Variants in TAOK3 observed in about 807,000 individuals in gnomAD.
TAOK3 encodes the protein serine/threonine-protein kinase TAO3.
TAOK3 carries 40 observed loss-of-function variants against 120.4 expected under a neutral mutation model. That is an observed-to-expected ratio of 0.33 (90% CI 0.26 to 0.43). The LOEUF (loss-of-function observed/expected upper bound fraction) is 0.43. TAOK3 is among the 20% of genes least tolerant of loss of function. The pLI is 1.00. For missense variants in TAOK3, 821 were observed against 1,112.1 expected, an observed-to-expected ratio of 0.74 and a Z score of 3.72; for synonymous variants, 355 against 387.5, an observed-to-expected ratio of 0.92 and a Z score of 0.99.
chr12:118,314,353 T>A (rs961938107), intron 1 of TAOK3, among the ~76,000 whole-genome samples: 1 of 152,186 alleles, frequency 6.6e-6, no homozygotes, highest in African/African-American at 2.4e-5. Flanking sequence ...AAAAATACTA[T>A]TGAGATACAA....
At chr12:118,362,928 A>G (rs2045640739) in intron 1 of TAOK3, among the ~76,000 whole-genome samples, 1 of 144,426 alleles carries the variant, frequency 6.9e-6, no homozygotes, top group Non-Finnish European at 1.5e-5. Flanking sequence ...CTGAGGCAGG[A>G]GAATTGCTTG....
At chr12:118,292,171 G>C (rs573245527) in intron 1 of TAOK3, among the ~76,000 whole-genome samples, 1 of 152,248 alleles carries the variant, frequency 6.6e-6, no homozygotes, top group Admixed American at 6.5e-5. Flanking sequence ...ATAATACATG[G>C]TGGCTTTGCA....
At chr12:118,228,280 T>C (rs2039604110) in intron 9 of TAOK3, among the ~76,000 whole-genome samples, 1 of 151,868 alleles carries the variant, frequency 6.6e-6, no homozygotes, top group Admixed American at 6.6e-5. Flanking sequence ...GCTTCCCAAG[T>C]AGCTGGGATT....
intron 15 of TAOK3, among the ~76,000 whole-genome samples, chr12:118,180,483 C>T (rs549445327): frequency 9.9e-4 from 151 of 152,258 alleles, no homozygotes; most frequent in African/African-American, 3.5e-3. Flanking sequence ...TCAAGAGATC[C>T]ACCCACCTTG....
intron 1 of TAOK3, among the ~76,000 whole-genome samples, chr12:118,286,927 T>TGA (rs377573815): frequency 9.5e-4 from 145 of 152,352 alleles, no homozygotes; most frequent in African/African-American, 3.0e-3. Context: ...GTGACCTGGA[T>TGA]GAGACTGGAG....
chr12:118,196,695 C>T (rs1388458854), intron 13 of TAOK3, among the ~76,000 whole-genome samples: 1 of 152,164 alleles, frequency 6.6e-6, no homozygotes, highest in East Asian at 1.9e-4. Flanking sequence ...GTAAAGATAG[C>T]TAAGATTATT....
intron 1 of TAOK3, among the ~76,000 whole-genome samples, chr12:118,290,117 C>T (rs1312857192): frequency 6.6e-6 from 1 of 152,088 alleles, no homozygotes; most frequent in Non-Finnish European, 1.5e-5. Context: ...GTGTTATTAA[C>T]CTGAAAGTAA....
chr12:118,232,452 T>A (rs1421224592), intron 9 of TAOK3, among the ~76,000 whole-genome samples: 1 of 152,338 alleles, frequency 6.6e-6, no homozygotes, highest in Non-Finnish European at 1.5e-5. Flanking sequence ...ATTTCCCTAA[T>A]ACAAGTTGGA....
intron 17 of TAOK3, 44 bp downstream of exon 17, chr12:118,172,413 T>C (rs370423285): frequency 6.3e-7 from 1 of 1,583,044 alleles, no homozygotes; most frequent in African/African-American, 1.3e-5. Flanking sequence ...ACATAGCATA[T>C]TGTCTCCTAT....
intron 19 of TAOK3, 182 bp from the exon 20 acceptor site, chr12:118,152,591 T>C (rs541665795): frequency 2.2e-5 from 13 of 581,736 alleles, no homozygotes; most frequent in African/African-American, 2.0e-4. Context: ...GTCTGCCCAA[T>C]GGGCTACAAT....
At chr12:118,276,787 CT>C (rs1291445111) in intron 1 of TAOK3, among the ~76,000 whole-genome samples, 1 of 151,696 alleles carries the variant, frequency 6.6e-6, no homozygotes. Flanking sequence ...GGTGGATCAC[CT>C]GAGGTCAGGA....
At chr12:118,262,624 C>G (rs1399030358) in intron 2 of TAOK3, among the ~76,000 whole-genome samples, 1 of 151,866 alleles carries the variant, frequency 6.6e-6, no homozygotes, top group East Asian at 1.9e-4. Context: ...GTGAGGCGTT[C>G]AAGACCAGCC....
intron 8 of TAOK3, among the ~76,000 whole-genome samples, chr12:118,234,913 C>T (rs939855831): frequency 2.0e-5 from 3 of 152,108 alleles, no homozygotes; most frequent in Non-Finnish European, 2.9e-5. Context: ...GAACTGTACT[C>T]TATTATGATG....
At chr12:118,162,061 G>A in intron 17 of TAOK3, 34 bp from the exon 18 acceptor site, 3 of 1,605,372 alleles carry the variant, frequency 1.9e-6, no homozygotes, top group Non-Finnish European at 2.6e-6. Flanking sequence ...ACGGAGAGAG[G>A]TGAATGGAGA....
intron 13 of TAOK3, among the ~76,000 whole-genome samples, chr12:118,198,015 C>T (rs554861962): frequency 6.6e-6 from 1 of 152,206 alleles, no homozygotes; most frequent in African/African-American, 2.4e-5. Context: ...GAAAGGACAC[C>T]AGCTGGCAAT....
At chr12:118,289,821 C>T in intron 1 of TAOK3, among the ~76,000 whole-genome samples, 1 of 151,866 alleles carries the variant, frequency 6.6e-6, no homozygotes, top group East Asian at 1.9e-4. Context: ...ATGGCGAAAC[C>T]CCCATCTCTA....
At chr12:118,205,619 C>CT (rs902504379) in intron 11 of TAOK3, among the ~76,000 whole-genome samples, 22 of 150,994 alleles carry the variant, frequency 1.5e-4, no homozygotes, top group African/African-American at 3.2e-4. Flanking sequence ...ATTCCAACTT[C>CT]TTTTTTTTTG....
chr12:118,214,476 G>T (rs556299557), intron 9 of TAOK3, among the ~76,000 whole-genome samples: 2 of 151,614 alleles, frequency 1.3e-5, no homozygotes, highest in East Asian at 3.9e-4. Flanking sequence ...TTGAAGTCTG[G>T]GTATTTGGTG....
At chr12:118,159,427 C>T (rs1425689748) in intron 19 of TAOK3, among the ~76,000 whole-genome samples, 1 of 151,910 alleles carries the variant, frequency 6.6e-6, no homozygotes, top group African/African-American at 2.4e-5. Flanking sequence ...TCTCCTGCCT[C>T]AGCCTCCTGA....
Sources: allele counts gnomAD v4.1 joint callset (sites outside exome capture counted in the v4.1 genomes callset), GRCh38; gene constraint gnomAD v4.1.1; transcripts MANE v1.5; gene names NCBI Gene and HGNC (gene_info 2026-07-23, HGNC 2026-07-21).